MYO15B: variants seen among roughly 807,000 people sequenced by gnomAD.
MYO15B encodes myosin XVB.
A neutral mutation model predicts 119.3 loss-of-function variants in MYO15B; 207 were observed. That is an observed-to-expected ratio of 1.73 (90% CI 1.55 to 1.95). MYO15B has a LOEUF of 1.95. Ranked by LOEUF, MYO15B falls within the 30% of genes most tolerant of loss-of-function variation. MYO15B has a pLI of 0.00. For missense variants in MYO15B, 2,264 were observed against 1,203.1 expected (o/e 1.88, Z -13.04); for synonymous variants, 966 against 498.9 (o/e 1.94, Z -12.48).
In MYO15B at chr17:75,626,539, A is replaced by T. The variant is rs1437851314; in HGVS notation, c.*55A>T. The T allele has an allele frequency of 8.5e-6, 6 of 702,248 alleles. No individual in the cohort carries two copies. In the African/African-American group the frequency reaches 8.7e-5, roughly 10 times the overall value. The allele number at this position is 702,248 out of a possible 1,614,324, so 43.5% of individuals were successfully genotyped here. A position where few individuals can be genotyped will look rare whatever the true frequency, so the allele number is the denominator to read the frequency against. On this transcript the variant is annotated 3_prime_UTR_variant, in exon 64 of 64. Coordinates refer to ENST00000645453, the Ensembl canonical transcript of MYO15B. Reference sequence around the variant, plus strand: ...TGAGGCCTCCCCCGGCCCAAGTCTCACCCACATGGTCTGCCTTGGATGCTA... The same window carrying T: ...TGAGGCCTCCCCCGGCCCAAGTCTCTCCCACATGGTCTGCCTTGGATGCTA...
chr17:75,606,239 T>G (rs2057641317), intron 21 of MYO15B, among the ~76,000 whole-genome samples: 1 of 152,116 alleles, frequency 6.6e-6, no homozygotes, highest in Non-Finnish European at 1.5e-5. Flanking sequence ...CATTACCTAC[T>G]GAGGCCACCT....
At chr17:75,621,272 C>T (rs2058691473) in intron 50 of MYO15B, 73 bp from the exon 51 acceptor site, 2 of 663,556 alleles carry the variant, frequency 3.0e-6, no homozygotes, top group East Asian at 5.4e-5. Context: ...TCTTAGCACT[C>T]TCCCTGCCTG....
chr17:75,616,344 C>A, exon 38 of MYO15B: 2 of 609,670 alleles, frequency 3.3e-6, no homozygotes, highest in Non-Finnish European at 5.8e-6. Context: ...GACGATGAAG[C>A]CCCCGGCCAA....
At chr17:75,620,604 C>G in exon 49 of MYO15B, 1 of 702,330 alleles carries the variant, frequency 1.4e-6, no homozygotes, top group South Asian at 1.5e-5. Flanking sequence ...CAACGGGGAA[C>G]CAGGGCTGGC....
chr17:75,618,174 C>T (rs1449052032), exon 43 of MYO15B: 2 of 703,218 alleles, frequency 2.8e-6, no homozygotes, highest in Non-Finnish European at 5.2e-6. Context: ...CCTGAGGCTC[C>T]TCTGTGAGCA....
In MYO15B at chr17:75,626,212, G is replaced by A. The variant is rs775151788; in HGVS notation, c.9197G>A (p.Trp3066Ter). Residue 3066 changes from tryptophan (W) to a stop codon, truncating the protein, a stop_gained, in exon 63 of 64, where the codon TGG becomes TAG. Coordinates refer to ENST00000645453, the Ensembl canonical transcript of MYO15B. LOFTEE classifies it low-confidence loss of function (END_TRUNC). The stretch of plus-strand genomic sequence containing the variant: ...TCAGCTGACAACCCCCAGACCATCT[G>A]GTTTGAGCTGCCACAGGTGAGTGGC... 2.0e-5 allele frequency: 14 copies of A among 703,040 alleles called. No individual in the cohort carries two copies. In the Middle Eastern group the frequency reaches 1.1e-3, roughly 57 times the overall value. 43.6% of individuals were successfully genotyped at this position (703,040 alleles called of 1,614,324 possible).
chr17:75,611,891 C>G, exon 25 of MYO15B: 1 of 702,946 alleles, frequency 1.4e-6, no homozygotes, highest in East Asian at 2.7e-5. Flanking sequence ...CCCAGGCCAT[C>G]GGGACGCCCT....
exon 1 of MYO15B, chr17:75,588,074 G>A (rs926479802): frequency 5.0e-5 from 20 of 398,232 alleles, no homozygotes; most frequent in Non-Finnish European, 8.9e-5. Context: ...AGGAACCAGC[G>A]CAAAGCGCCC....
At chr17:75,624,484 C>A in intron 57 of MYO15B, 37 bp downstream of exon 57, 1 of 703,010 alleles carries the variant, frequency 1.4e-6, no homozygotes, top group East Asian at 2.7e-5. Context: ...AGGCCTTGGG[C>A]ATCAGTTCTG....
chr17:75,626,755 C>T, exon 64 of MYO15B: 2 of 547,068 alleles, frequency 3.7e-6, no homozygotes, highest in East Asian at 3.1e-5. Flanking sequence ...GAGGGAGATG[C>T]CCACCCGACC....
At chr17:75,614,877 C>CCTGCCCCAACCCCCCGGGGCCTCTG in intron 32 of MYO15B, 28 bp downstream of exon 32, 7 of 702,892 alleles carry the variant, frequency 1.0e-5, no homozygotes, top group Non-Finnish European at 1.8e-5. Flanking sequence ...CCCAAATGCC[C>CCTGCCCCAACCCCCCGGGGCCTCTG]CTGCCCCAAC....
In MYO15B at chr17:75,610,897, C is replaced by T. The variant is rs548735564; in HGVS notation, c.4387-3C>T. The T allele has an allele frequency of 1.1e-5, 8 of 703,032 alleles. No individual in the cohort carries two copies. The highest frequency in any genetic ancestry group is 1.5e-5 in the South Asian group (1 of 67,598). 43.5% of individuals were successfully genotyped at this position (703,032 alleles called of 1,614,324 possible). A position where few individuals can be genotyped will look rare whatever the true frequency, so the allele number is the denominator to read the frequency against. Reference sequence around the variant, plus strand: ...TCAGCTCTTCCCACATCTCTTCCAACAGCTTGGGCGTTGGCAGGGCTGGCA... The same window carrying T: ...TCAGCTCTTCCCACATCTCTTCCAATAGCTTGGGCGTTGGCAGGGCTGGCA... On this transcript the variant is annotated splice_polypyrimidine_tract_variant and splice_region_variant and intron_variant, in intron 22 of 63. Coordinates refer to ENST00000645453, the Ensembl canonical transcript of MYO15B.
intron 14 of MYO15B, among the ~76,000 whole-genome samples, chr17:75,598,908 A>G (rs2057060998): frequency 6.6e-6 from 1 of 152,048 alleles, no homozygotes; most frequent in African/African-American, 2.4e-5. Flanking sequence ...GACATGTACC[A>G]TTTTCTGAGT....
intron 15 of MYO15B, 93 bp from the exon 16 acceptor site, chr17:75,602,424 T>C (rs1223989000): frequency 1.4e-6 from 1 of 702,026 alleles, no homozygotes; most frequent in Non-Finnish European, 2.6e-6. Context: ...GGGGAGAGGG[T>C]AGATTCTTCT....
intron 52 of MYO15B, 92 bp from the exon 53 acceptor site, chr17:75,621,912 G>T: frequency 1.5e-6 from 1 of 657,702 alleles, no homozygotes; most frequent in South Asian, 1.6e-5. Context: ...GGCATCAGAT[G>T]GCAGGTGAAG....
In MYO15B at chr17:75,615,621, G is replaced by A. The variant is rs1350495260; in HGVS notation, c.5838+21G>A. On this transcript the variant is annotated intron_variant, in intron 35 of 63. Coordinates refer to ENST00000645453, the Ensembl canonical transcript of MYO15B. Reference sequence around the variant, plus strand: ...TCCTGGTGAGCGCTGGCAGGGCCCTGGGGCCACCTGGTGGAGGAGAGGTCT... The same window carrying A: ...TCCTGGTGAGCGCTGGCAGGGCCCTAGGGCCACCTGGTGGAGGAGAGGTCT... 2.0e-5 allele frequency: 14 copies of A among 683,380 alleles called. 1 individual carries two copies. Among genetic ancestry groups the A allele is most frequent in the Non-Finnish European group, 2.7e-5 (10 of 374,834 alleles). The allele number at this position is 683,380 out of a possible 1,614,324, so 42.3% of individuals were successfully genotyped here.
chr17:75,594,539 T>C (rs1395958455), exon 10 of MYO15B: 3 of 638,356 alleles, frequency 4.7e-6, no homozygotes, highest in South Asian at 1.8e-5. Context: ...GCCCGACTGC[T>C]GCGGGTACCA....
At chr17:75,595,021 G>C (rs964182809) in intron 12 of MYO15B, 49 bp downstream of exon 12, 2 of 694,462 alleles carry the variant, frequency 2.9e-6, no homozygotes, top group African/African-American at 3.5e-5. Context: ...ATATAATTCC[G>C]ATGGATTTCT....
intron 41 of MYO15B, chr17:75,617,528 C>T: frequency 1.8e-6 from 1 of 554,664 alleles, no homozygotes; most frequent in African/African-American, 1.9e-5. Flanking sequence ...GGCTGTCACA[C>T]ACAGGGTGTT....
Sources: gnomAD v4.1 joint callset for allele counts (sites outside exome capture counted in the v4.1 genomes callset) on GRCh38, gnomAD v4.1.1 for gene constraint, MANE v1.5 for transcripts, NCBI Gene and HGNC (gene_info 2026-07-23, HGNC 2026-07-21) for gene names.